The following SRR variants were observed in gnomAD, a reference collection of about 807,000 sequenced individuals.
The protein encoded by SRR is serine racemase.
SRR carries 19 observed loss-of-function variants against 32.7 expected under a neutral mutation model. That is an observed-to-expected ratio of 0.58 (90% CI 0.40 to 0.85). SRR has a LOEUF of 0.85. SRR is among the 40% of genes least tolerant of loss of function. The pLI is 0.00. For missense variants in SRR, 373 were observed against 404.7 expected, an observed-to-expected ratio of 0.92 and a Z score of 0.67; for synonymous variants, 142 against 140.9, an observed-to-expected ratio of 1.01 and a Z score of -0.06.
upstream of SRR, chr17:2,303,529 G>A (rs1428944892): frequency 8.2e-6 from 11 of 1,339,094 alleles, no homozygotes; most frequent in Non-Finnish European, 1.0e-5. Context: ...TGGGGGAAGG[G>A]GCGGGGGCTC....
At chr17:2,310,565 T>G (rs1052391404) in intron 1 of SRR, among the ~76,000 whole-genome samples, 1 of 151,802 alleles carries the variant, frequency 6.6e-6, no homozygotes, top group Non-Finnish European at 1.5e-5. Flanking sequence ...CTGGCATGGT[T>G]TTTTGGGATT....
chr17:2,304,986 T>C (rs2075374155), intron 1 of SRR, among the ~76,000 whole-genome samples: 2 of 152,246 alleles, frequency 1.3e-5, no homozygotes, highest in African/African-American at 4.8e-5. Context: ...CCATAGGCTT[T>C]TACCCCACAC....
intron 1 of SRR, chr17:2,307,435 G>A (rs2075399366): frequency 2.2e-6 from 3 of 1,338,562 alleles, no homozygotes; most frequent in Non-Finnish European, 3.2e-6. Context: ...CAGTGGTCAT[G>A]GTGGCTTTGG....
chr17:2,321,662 T>G (rs2075529798), intron 6 of SRR, 46 bp downstream of exon 6: 1 of 1,550,012 alleles, frequency 6.5e-7, no homozygotes, highest in African/African-American at 1.4e-5. Flanking sequence ...GAGGATTTAC[T>G]TTACATCCTA....
rs1567781453 is a variant in SRR, at chr17:2,324,597, A to G, written c.*724A>G. ...ACATCCTCTTAGAATCAAACACATT[A>G]AAGACCAAGATGAAACATTTACCCA... On this transcript the variant is annotated 3_prime_UTR_variant, in exon 8 of 8. Transcript: ENST00000344595. 1.9e-6 allele frequency: 3 copies of G among 1,614,164 alleles called. No individual in the cohort carries two copies. The highest frequency in any genetic ancestry group is 2.5e-6 in the Non-Finnish European group (3 of 1,180,038).
intron 1 of SRR, 173 bp from the exon 2 acceptor site, chr17:2,315,384 G>A (rs553391134): frequency 3.7e-5 from 21 of 564,530 alleles, no homozygotes; most frequent in East Asian, 1.3e-4. Context: ...GAAAAACTTC[G>A]TTCAGCTTTT....
intron 1 of SRR, among the ~76,000 whole-genome samples, chr17:2,313,355 G>T (rs2075446599): frequency 6.7e-6 from 1 of 150,054 alleles, no homozygotes; most frequent in African/African-American, 2.5e-5. Context: ...GCTTGAACCT[G>T]GGAGGCAGAG....
Position 2,318,816 on chromosome 17 carries a change from C to T in SRR, c.296-10C>T. The T allele has an allele frequency of 6.2e-7, 1 of 1,605,928 alleles. No individual in the cohort carries two copies. The highest frequency in any genetic ancestry group is 1.3e-5 in the African/African-American group (1 of 74,698). On this transcript the variant is annotated splice_polypyrimidine_tract_variant and intron_variant, in intron 3 of 7. Transcript: ENST00000344595. ...TCTCCTGACTTTTTCCTCTCGTTTT[C>T]CTCTCCCAGGAATTCCTGCTTATAT...
chr17:2,308,705 C>G (rs909737432), intron 1 of SRR, among the ~76,000 whole-genome samples: 5 of 152,226 alleles, frequency 3.3e-5, no homozygotes, highest in Non-Finnish European at 7.4e-5. Context: ...CCTGTAATCT[C>G]AGCTACTTGG....
chr17:2,307,375 C>A (rs1237637838), intron 1 of SRR: 2 of 1,082,214 alleles, frequency 1.8e-6, no homozygotes, highest in Non-Finnish European at 2.8e-6. Flanking sequence ...TGGTGGTGGT[C>A]GTGGAGGTGG....
intron 1 of SRR, among the ~76,000 whole-genome samples, chr17:2,314,500 G>A (rs1029127554): frequency 5.9e-5 from 9 of 151,446 alleles, no homozygotes; most frequent in African/African-American, 1.9e-4. Context: ...GGAGAATGGC[G>A]TGAACCCGGG....
At chr17:2,310,586 GT>G (rs570733673) in intron 1 of SRR, among the ~76,000 whole-genome samples, 21 of 147,266 alleles carry the variant, frequency 1.4e-4, no homozygotes, top group African/African-American at 3.0e-4. Flanking sequence ...TTTGGTTGTT[GT>G]TTTTTTTTTG....
At chr17:2,320,248 C>T (rs2075514726) in intron 4 of SRR, among the ~76,000 whole-genome samples, 1 of 128,534 alleles carries the variant, frequency 7.8e-6, no homozygotes, top group Non-Finnish European at 1.6e-5. Flanking sequence ...CCTCATCTCT[C>T]ATCTTTTTTT....
rs930333400 is a variant in SRR at position 2,321,231 on chromosome 17, G to T, written c.400-75G>T. ...GAAAAAAGTAGATGGTCAATAAAAT[G>T]CTGAATGACCAAATGGAACTTGTTG... is the stretch of plus-strand genomic sequence containing the variant. On this transcript the variant is annotated intron_variant, in intron 4 of 7. Coordinates refer to ENST00000344595, the MANE Select transcript of SRR (RefSeq NM_021947.3). 1.9e-6 allele frequency: 3 copies of T among 1,552,798 alleles called. No homozygotes were observed. The East Asian group carries it at 6.7e-5, about 35-fold the overall frequency.
intron 3 of SRR, among the ~76,000 whole-genome samples, 155 bp from the exon 4 acceptor site, chr17:2,318,671 C>T (rs144257335): frequency 0.039 from 5,447 of 140,848 alleles, 160 homozygotes; most frequent in Middle Eastern, 0.074. Context: ...AGGGTTTCAC[C>T]GTGTTAGCCA....
chr17:2,318,171 G>A (rs2075493246), intron 3 of SRR, among the ~76,000 whole-genome samples, 175 bp downstream of exon 3: 1 of 151,958 alleles, frequency 6.6e-6, no homozygotes, highest in Non-Finnish European at 1.5e-5. Context: ...TTTGAAGACA[G>A]AATCTTGCTG....
At chr17:2,311,025 C>T (rs983712701) in intron 1 of SRR, among the ~76,000 whole-genome samples, 6 of 151,088 alleles carry the variant, frequency 4.0e-5, no homozygotes, top group Non-Finnish European at 7.4e-5. Context: ...GGATTACAGG[C>T]GTGACCCACC....
At chr17:2,320,507 G>A (rs1446451075) in intron 4 of SRR, among the ~76,000 whole-genome samples, 6 of 151,424 alleles carry the variant, frequency 4.0e-5, no homozygotes, top group Non-Finnish European at 8.8e-5. Flanking sequence ...GCCCGCCTTG[G>A]CCTCCCAAAG....
intron 2 of SRR, among the ~76,000 whole-genome samples, chr17:2,317,307 C>G (rs1460690777): frequency 6.7e-6 from 1 of 150,116 alleles, no homozygotes; most frequent in East Asian, 2.0e-4. Flanking sequence ...GTCAAAAGAT[C>G]GAGACCATCC....
Sources: allele counts gnomAD v4.1 joint callset (sites outside exome capture counted in the v4.1 genomes callset), GRCh38; gene constraint gnomAD v4.1.1; transcripts MANE v1.5; gene names NCBI Gene and HGNC (gene_info 2026-07-23, HGNC 2026-07-21).